The following NCALD variants were observed in gnomAD, a reference collection of about 807,000 sequenced individuals.
NCALD encodes the protein neurocalcin delta.
A neutral mutation model predicts 18.6 loss-of-function variants in NCALD; 10 were observed. The observed-to-expected ratio is 0.54, with a 90% CI of 0.33 to 0.91. The LOEUF is 0.91. Among genes scored for constraint, NCALD ranks in the 40% least tolerant of loss-of-function variants. The probability of loss-of-function intolerance (pLI) is 0.03; values close to 1 mark genes in which losing one functional copy is unlikely to be tolerated. For missense variants in NCALD, 184 were observed against 247.6 expected, an observed-to-expected ratio of 0.74 and a Z score of 1.72; for synonymous variants, 88 against 87.4, an observed-to-expected ratio of 1.01 and a Z score of -0.04.
Position 101,691,274 on chromosome 8 carries a change from T to A in NCALD, c.484+1517A>T, listed in dbSNP as rs1032102704. The A allele has an allele frequency of 1.4e-5, 14 of 985,238 alleles. No individual in the cohort carries two copies. The African/African-American group carries it at 2.4e-4, about 17-fold the overall frequency. 61.0% of individuals were successfully genotyped at this position (985,238 alleles called of 1,614,324 possible). ...CACCCCCCTCTCCCAACCCTAACCT[T>A]TGAAAATTTAATTTAATTTTAAACA... On this transcript the variant is annotated intron_variant, in intron 3 of 3. Transcript: ENST00000220931.
intron 3 of NCALD, among the ~76,000 whole-genome samples, chr8:101,912,617 A>C (rs934428385): frequency 5.9e-5 from 9 of 152,202 alleles, no homozygotes; most frequent in African/African-American, 2.2e-4. Context: ...GAAAGCAAGA[A>C]GCAAGCATTT....
At chr8:101,978,550 A>G (rs1280087215) in intron 2 of NCALD, among the ~76,000 whole-genome samples, 2 of 152,202 alleles carry the variant, frequency 1.3e-5, no homozygotes, top group Non-Finnish European at 2.9e-5. Context: ...AGGTCAGCCC[A>G]GATCTGCCTG....
Position 101,860,888 on chromosome 8 carries a change from C to T in NCALD, c.-20+26253G>A, listed in dbSNP as rs572905908. ...AGTGGTGAGCTGTAATTGCCTGTAC[C>T]GACCCCTGAAAGCTGAATGTTAAAT... On this transcript the variant is annotated intron_variant, in intron 4 of 6. Transcript: ENST00000311028. Among the ~76,000 whole-genome samples, 12 of 152,100 alleles carry T rather than the reference C, an allele frequency of 7.9e-5. No individual in the cohort carries two copies. In the South Asian group the frequency reaches 1.2e-3, roughly 16 times the overall value.
At chr8:102,082,311 C>T (rs1315663728) in intron 1 of NCALD, among the ~76,000 whole-genome samples, 1 of 142,328 alleles carries the variant, frequency 7.0e-6, no homozygotes, top group African/African-American at 2.7e-5. Context: ...GGGCTCACTG[C>T]AAAGCTCCAC....
At chr8:101,964,840 GA>G (rs1430501335) in intron 2 of NCALD, among the ~76,000 whole-genome samples, 2 of 152,104 alleles carry the variant, frequency 1.3e-5, no homozygotes, top group Admixed American at 1.3e-4. Context: ...CATAAAAACA[GA>G]AAATGTTTTG....
chr8:101,786,824 T>C (rs1812246044), intron 1 of NCALD, among the ~76,000 whole-genome samples: 1 of 152,126 alleles, frequency 6.6e-6, no homozygotes, highest in Non-Finnish European at 1.5e-5. Flanking sequence ...AAATCAAATA[T>C]AAAACTGCAT....
chr8:101,911,328 T>G (rs1383001710), intron 3 of NCALD, among the ~76,000 whole-genome samples: 1 of 150,350 alleles, frequency 6.7e-6, no homozygotes, highest in African/African-American at 2.4e-5. Context: ...AAATCCTTCC[T>G]CTTATGAATT....
chr8:101,714,546 C>A (rs1044042129), intron 2 of NCALD, among the ~76,000 whole-genome samples: 4 of 152,178 alleles, frequency 2.6e-5, no homozygotes, highest in African/African-American at 9.7e-5. Flanking sequence ...AAATCAATAT[C>A]ATGAAAACGG....
At chr8:102,080,472 T>C (rs1405323439) in intron 1 of NCALD, among the ~76,000 whole-genome samples, 2 of 152,218 alleles carry the variant, frequency 1.3e-5, no homozygotes, top group African/African-American at 2.4e-5. Flanking sequence ...GGCAAACTAT[T>C]GTTCTGTTCC....
At chr8:101,849,533 C>G (rs573006429) in intron 4 of NCALD, among the ~76,000 whole-genome samples, 1 of 152,170 alleles carries the variant, frequency 6.6e-6, no homozygotes, top group East Asian at 1.9e-4. Flanking sequence ...CCTAATGTCA[C>G]TCTGTAAATG....
intron 4 of NCALD, among the ~76,000 whole-genome samples, chr8:101,826,272 C>T (rs577538976): frequency 1.3e-5 from 2 of 152,190 alleles, no homozygotes; most frequent in Non-Finnish European, 2.9e-5. Context: ...ACAAATTCCA[C>T]ATCTAAATGG....
intron 4 of NCALD, among the ~76,000 whole-genome samples, chr8:101,812,413 A>G (rs1408124459): frequency 6.6e-6 from 1 of 152,146 alleles, no homozygotes; most frequent in Non-Finnish European, 1.5e-5. Flanking sequence ...CAACTTAACT[A>G]AAGAGAAGTG....
chr8:101,977,379 A>T (rs143565084), intron 2 of NCALD, among the ~76,000 whole-genome samples: 1 of 152,318 alleles, frequency 6.6e-6, no homozygotes, highest in East Asian at 1.9e-4. Flanking sequence ...AGTTAAAAGT[A>T]TTCTAAGAGA....
chr8:101,728,971 A>C (rs1346484104), intron 1 of NCALD, among the ~76,000 whole-genome samples: 1 of 152,248 alleles, frequency 6.6e-6, no homozygotes, highest in Non-Finnish European at 1.5e-5. Context: ...ATGTTCTTAA[A>C]ATATAAGGAA....
At chr8:101,932,047 T>A (rs191599946) in intron 2 of NCALD, among the ~76,000 whole-genome samples, 12 of 152,306 alleles carry the variant, frequency 7.9e-5, no homozygotes, top group Admixed American at 6.5e-4. Flanking sequence ...TCTGTAGCCC[T>A]CACCTTGAGC....
chr8:101,802,948 G>A (rs955727042), intron 4 of NCALD, among the ~76,000 whole-genome samples: 1 of 150,750 alleles, frequency 6.6e-6, no homozygotes, highest in African/African-American at 2.4e-5. Flanking sequence ...AGTGCTGATG[G>A]AGAAGCTGCA....
intron 1 of NCALD, among the ~76,000 whole-genome samples, chr8:102,020,604 T>G (rs537018646): frequency 6.6e-6 from 1 of 152,334 alleles, no homozygotes; most frequent in African/African-American, 2.4e-5. Flanking sequence ...ACTAATCAAG[T>G]GAGTATGACT....
At chr8:101,960,052 A>G (rs1224841857) in intron 2 of NCALD, among the ~76,000 whole-genome samples, 3 of 152,120 alleles carry the variant, frequency 2.0e-5, no homozygotes, top group Non-Finnish European at 4.4e-5. Context: ...TTGGGCTAAC[A>G]TGGTCCAGAA....
intron 2 of NCALD, among the ~76,000 whole-genome samples, chr8:101,958,078 A>G (rs1228585355): frequency 1.3e-5 from 2 of 152,188 alleles, no homozygotes; most frequent in Non-Finnish European, 2.9e-5. Flanking sequence ...ATCCTTCACC[A>G]TGCAGGGTCT....
Sources: gnomAD v4.1 joint callset for allele counts (sites outside exome capture counted in the v4.1 genomes callset) on GRCh38, gnomAD v4.1.1 for gene constraint, MANE v1.5 for transcripts, NCBI Gene and HGNC (gene_info 2026-07-23, HGNC 2026-07-21) for gene names.